KLHL36: variants seen among roughly 807,000 people sequenced by gnomAD.
The protein encoded by KLHL36 is kelch-like protein 36.
Under a neutral mutation model 53.3 loss-of-function variants are expected in KLHL36, and 35 were observed. That is an observed-to-expected ratio of 0.66 (90% CI 0.50 to 0.87). The LOEUF is 0.87. Among genes scored for constraint, KLHL36 ranks in the 40% least tolerant of loss-of-function variants. KLHL36 has a pLI of 0.00. For synonymous variants in KLHL36, 472 were observed against 398.9 expected (o/e 1.18, Z -2.18); for missense variants, 864 against 897.6 (o/e 0.96, Z 0.48).
At position 84,663,200 on chromosome 16, in the gene KLHL36, G is replaced by A. The variant is rs111748099; in HGVS notation, c.*1067G>A. On this transcript the variant is annotated 3_prime_UTR_variant, in exon 5 of 5. Transcript: ENST00000564996. ...CAGTTTTCTGCTTCTAAGTAGTTTC[G>A]TGCTGCTGGGCAAATTCTCGAACAA... The A allele has an allele frequency of 2.8e-4, 43 of 152,284 alleles. No homozygotes were observed. The highest frequency in any genetic ancestry group is 9.4e-4 in the African/African-American group (39 of 41,558). The allele number at this position is 152,284 out of a possible 1,614,324, so 9.4% of individuals were successfully genotyped here. A position where few individuals can be genotyped will look rare whatever the true frequency, so the allele number is the denominator to read the frequency against.
rs1183915217 is a variant in KLHL36 at position 84,648,811 on chromosome 16, GCCGCGGCCGGGGGAGGGGCCGCCGCCC to G, written c.-17+167_-17+193del. On this transcript the variant is annotated intron_variant, in intron 1 of 4. Transcript: ENST00000564996. The surrounding 1 kb of genome is among the most constrained non-coding windows in gnomAD (Gnocchi z 4.9). ...GGCGGGCGGGTGGGCGAGTGGGGGC[GCCGCGGCCGGGGGAGGGGCCGCCGCCC>G]CCGCAGGTGACACAGGTGCGGCCTG... is the stretch of plus-strand genomic sequence containing the variant. The G allele has an allele frequency of 6.7e-6, 1 of 149,772 alleles. No individual in the cohort carries two copies. The highest frequency in any genetic ancestry group is 1.5e-5 in the Non-Finnish European group (1 of 67,180). 9.3% of individuals were successfully genotyped at this position (149,772 alleles called of 1,614,324 possible). A position where few individuals can be genotyped will look rare whatever the true frequency, so the allele number is the denominator to read the frequency against.
rs1160958500 is a variant in KLHL36, at chr16:84,661,953, G to A, written c.1671G>A (p.Glu557=). 3 of 1,599,866 alleles carry A rather than the reference G, an allele frequency of 1.9e-6. No individual in the cohort carries two copies. Among genetic ancestry groups the A allele is most frequent in the Non-Finnish European group, 2.6e-6 (3 of 1,173,998 alleles). ...RIYILGGYSW[E]NTAFSKTVQV... The stretch of plus-strand genomic sequence containing the variant: ...ACATCCTGGGCGGCTACAGCTGGGA[G>A]AACACTGCCTTCTCCAAGACCGTGC... The change falls in exon 5 of 5, where the codon GAG becomes GAA. Residue 557 remains glutamate, a synonymous_variant. Coordinates refer to ENST00000564996, the MANE Select transcript of KLHL36 (RefSeq NM_024731.4). This position sits in a 1 kb window ranked among gnomAD's most constrained non-coding sequence, Gnocchi z 7.9.
chr16:84,654,731 C>G (rs1460032251), intron 2 of KLHL36, among the ~76,000 whole-genome samples: 1 of 152,166 alleles, frequency 6.6e-6, no homozygotes, highest in Admixed American at 6.5e-5. Flanking sequence ...CTGCGTCAGC[C>G]TCCTGAGTAG....
In KLHL36 at chr16:84,664,250, T is replaced by C. The variant is rs1243258559; in HGVS notation, c.*2117T>C. 6.6e-6 allele frequency: 1 copy of C among 152,226 alleles called. No individual in the cohort carries two copies. Among genetic ancestry groups the C allele is most frequent in the Non-Finnish European group, 1.5e-5 (1 of 68,052 alleles). The allele number at this position is 152,226 out of a possible 1,614,324, so 9.4% of individuals were successfully genotyped here. On this transcript the variant is annotated 3_prime_UTR_variant, in exon 5 of 5. Transcript: ENST00000564996. ...GGCAGGGTAGGGTGTACGTGGGCTG[T>C]TCTCCCCATCTCAGCCTGGGTCATG... is the stretch of plus-strand genomic sequence containing the variant.
At chr16:84,656,259 T>G (rs1341314491) in intron 2 of KLHL36, among the ~76,000 whole-genome samples, 1 of 151,204 alleles carries the variant, frequency 6.6e-6, no homozygotes, top group Non-Finnish European at 1.5e-5. Context: ...TTGTTTGTTT[T>G]GTTTTGTTTG....
rs375122818 is a variant in KLHL36 at position 84,657,100 on chromosome 16, A to G, written c.293A>G (p.Lys98Arg). The part of the protein sequence containing the change: ...ELIGASYIGL[K>R]AVVDFLYGGE... ...ATCGGCGCCTCCTACATTGGGCTCA[A>G]GGCCGTGGTGGACTTCCTGTACGGC... Residue 98 changes from lysine (K) to arginine (R), a missense_variant, in exon 3 of 5, where the codon AAG (lysine) becomes AGG (arginine). Transcript: ENST00000564996. 3.6e-5 allele frequency: 58 copies of G among 1,614,102 alleles called. No individual in the cohort carries two copies. Among genetic ancestry groups the G allele is most frequent in the Non-Finnish European group, 4.5e-5 (53 of 1,180,042 alleles).
In KLHL36 at chr16:84,667,061, A is replaced by G. The variant is rs1216913092; in HGVS notation, c.*4928A>G. The G allele has an allele frequency of 8.9e-6, 1 of 112,494 alleles. No individual in the cohort carries two copies. Among genetic ancestry groups the G allele is most frequent in the Non-Finnish European group, 1.8e-5 (1 of 56,124 alleles). The allele number at this position is 112,494 out of a possible 1,614,324, so 7.0% of individuals were successfully genotyped here. A position where few individuals can be genotyped will look rare whatever the true frequency, so the allele number is the denominator to read the frequency against. On this transcript the variant is annotated 3_prime_UTR_variant, in exon 5 of 5. Transcript: ENST00000564996. ...TGGGTGACCGAGTAAGACTGTCTCA[A>G]AAAAAAAAAAAAAAAAGAAAAGAAA... is the stretch of plus-strand genomic sequence containing the variant.
chr16:84,650,789 C>A, intron 1 of KLHL36, 63 bp from the exon 2 acceptor site: 1 of 1,191,352 alleles, frequency 8.4e-7, no homozygotes, highest in Non-Finnish European at 1.2e-6. Flanking sequence ...GCTAGCAGGG[C>A]CTGAAATTAA....
At chr16:84,659,607 C>A (rs992382761) in intron 3 of KLHL36, 153 bp from the exon 4 acceptor site, 2 of 775,732 alleles carry the variant, frequency 2.6e-6, no homozygotes, top group African/African-American at 3.5e-5. Flanking sequence ...AGAGCTCCCA[C>A]CTGAAGAAGC....
intron 1 of KLHL36, among the ~76,000 whole-genome samples, chr16:84,650,161 G>T (rs986201500): frequency 2.0e-5 from 3 of 152,190 alleles, no homozygotes; most frequent in Non-Finnish European, 2.9e-5. Context: ...CAGTCACAGT[G>T]CTGGCCTCAT....
At chr16:84,655,271 T>C (rs1907133942) in intron 2 of KLHL36, among the ~76,000 whole-genome samples, 1 of 152,146 alleles carries the variant, frequency 6.6e-6, no homozygotes, top group Non-Finnish European at 1.5e-5. Context: ...GGAAATAAAG[T>C]GTCTCAATGA....
intron 3 of KLHL36, chr16:84,659,379 A>C (rs544070993): frequency 2.0e-5 from 4 of 198,132 alleles, no homozygotes; most frequent in Admixed American, 5.4e-5. Context: ...TAACTTTACA[A>C]ATCTGATGTG....
chr16:84,652,253 A>G (rs1402212594), intron 2 of KLHL36, among the ~76,000 whole-genome samples: 7 of 151,900 alleles, frequency 4.6e-5, no homozygotes, highest in African/African-American at 1.7e-4. Flanking sequence ...AGGCTTCTGT[A>G]TCACTGGATG....
rs751287567 is a variant in KLHL36, at chr16:84,650,942, T to C, written c.63+12T>C. On this transcript the variant is annotated intron_variant, in intron 2 of 4. Transcript: ENST00000564996. ...GCGAATCATCAAAGGTCTGTGAATG[T>C]TCACTCACCACCTATGCAAATTGCC... 1 of 1,605,000 alleles carries C rather than the reference T, an allele frequency of 6.2e-7. No individual in the cohort carries two copies. The highest frequency in any genetic ancestry group is 2.3e-5 in the East Asian group (1 of 44,416).
At chr16:84,650,641 G>T (rs1470193728) in intron 1 of KLHL36, among the ~76,000 whole-genome samples, 1 of 152,076 alleles carries the variant, frequency 6.6e-6, no homozygotes, top group Non-Finnish European at 1.5e-5. Context: ...AGATGATAAA[G>T]GAATGGGAGT....
Position 84,657,660 on chromosome 16 carries a change from A to G in KLHL36, c.853A>G (p.Thr285Ala). ...CCTGGCGGCCCAGCCCGTCATGCAG[A>G]CCAAGCGCACGGCGCTGCGCACCAA... ...NNLAAQPVMQ[T>A]KRTALRTNQE... The change falls in exon 3 of 5, where the codon ACC (threonine) becomes GCC (alanine). Residue 285 changes from threonine (T) to alanine (A), a missense_variant. Transcript: ENST00000564996. 6.2e-7 allele frequency: 1 copy of G among 1,612,312 alleles called. No individual in the cohort carries two copies. Among genetic ancestry groups the G allele is most frequent in the African/African-American group, 1.3e-5 (1 of 75,042 alleles).
chr16:84,651,958 C>A (rs908230800), intron 2 of KLHL36, among the ~76,000 whole-genome samples: 1 of 152,160 alleles, frequency 6.6e-6, no homozygotes, highest in Admixed American at 6.6e-5. Flanking sequence ...GAAAGAGATT[C>A]TACAGATTCT....
intron 3 of KLHL36, chr16:84,659,030 G>A (rs1253612335): frequency 6.6e-6 from 1 of 152,088 alleles, no homozygotes; most frequent in East Asian, 1.9e-4. Context: ...GTGAGACAGA[G>A]TTGTTCTGTC....
Position 84,661,454 on chromosome 16 carries a change from G to A in KLHL36, c.1296-124G>A. ...ACTGTCTATAGAGTGTTCATGGGGTGCCCACTCCCTATATTCTTAAATCCT... is the reference window on the plus strand; with the variant it reads ...ACTGTCTATAGAGTGTTCATGGGGTACCCACTCCCTATATTCTTAAATCCT... On this transcript the variant is annotated intron_variant, in intron 4 of 4. Coordinates refer to ENST00000564996, the MANE Select transcript of KLHL36 (RefSeq NM_024731.4). The surrounding 1 kb of genome is among the most constrained non-coding windows in gnomAD (Gnocchi z 7.9). The A allele has an allele frequency of 2.2e-6, 2 of 908,202 alleles. No individual in the cohort carries two copies. The highest frequency in any genetic ancestry group is 3.3e-6 in the Non-Finnish European group (2 of 597,544). The allele number at this position is 908,202 out of a possible 1,614,324, so 56.3% of individuals were successfully genotyped here.
Sources: gnomAD v4.1 joint callset for allele counts (sites outside exome capture counted in the v4.1 genomes callset) on GRCh38, gnomAD v4.1.1 for gene constraint, Gnocchi (gnomAD v3.1) non-coding constraint, MANE v1.5 for transcripts, NCBI Gene and HGNC (gene_info 2026-07-23, HGNC 2026-07-21) for gene names.